ZNF891: variants seen among roughly 807,000 people sequenced by gnomAD.
ZNF891 encodes hCG1646157.
For missense variants in ZNF891, 589 were observed against 632.7 expected (o/e 0.93, Z 0.74); for synonymous variants, 199 against 209.0 (o/e 0.95, Z 0.41).
intron 1 of ZNF891, among the ~76,000 whole-genome samples, chr12:133,125,294 C>T (rs1382579594): frequency 6.6e-6 from 1 of 152,144 alleles, no homozygotes. Context: ...GCATACCCTC[C>T]CCACCCCATC....
intron 1 of ZNF891, among the ~76,000 whole-genome samples, chr12:133,127,170 T>A (rs1955826387): frequency 6.6e-6 from 1 of 151,956 alleles, no homozygotes; most frequent in Admixed American, 6.5e-5. Context: ...TTTCACCATC[T>A]TGGCCAGCCT....
rs942210157 is a variant in ZNF891, at chr12:133,116,063, G to C, written c.*4221C>G. 1 of 152,070 alleles carries C rather than the reference G, an allele frequency of 6.6e-6. No individual in the cohort carries two copies. The highest frequency in any genetic ancestry group is 1.5e-5 in the Non-Finnish European group (1 of 68,020). The allele number at this position is 152,070 out of a possible 1,614,324, so 9.4% of individuals were successfully genotyped here. Reference sequence around the variant, plus strand: ...CTAACCAAGCAAAGTACAATCCCTTGCTGAGTACTCCTTAAGATGATCTCA... The same window carrying C: ...CTAACCAAGCAAAGTACAATCCCTTCCTGAGTACTCCTTAAGATGATCTCA... On this transcript the variant is annotated 3_prime_UTR_variant, in exon 2 of 2. Coordinates refer to ENST00000537226, the MANE Select transcript of ZNF891 (RefSeq NM_001277291.2).
At position 133,118,141 on chromosome 12, in the gene ZNF891, C is replaced by T. The variant is rs955974259; in HGVS notation, c.*2143G>A. On this transcript the variant is annotated 3_prime_UTR_variant, in exon 2 of 2. Coordinates refer to ENST00000537226, the MANE Select transcript of ZNF891 (RefSeq NM_001277291.2). ...TTGTATTTTAGTAGAACCAGGGTTT[C>T]ACCATGTTGGCCAGGATGGTCTCGA... 6 of 152,094 alleles carry T rather than the reference C, an allele frequency of 3.9e-5. No homozygotes were observed. Among genetic ancestry groups the T allele is most frequent in the African/African-American group, 1.4e-4 (6 of 41,382 alleles). 9.4% of individuals were successfully genotyped at this position (152,094 alleles called of 1,614,324 possible).
Position 133,106,050 on chromosome 12 carries a change from C to G in ZNF891, c.*14234G>C, listed in dbSNP as rs371503435. The G allele has an allele frequency of 5.5e-5, 89 of 1,614,086 alleles. No individual in the cohort carries two copies. The African/African-American group carries it at 8.7e-4, about 16-fold the overall frequency. On this transcript the variant is annotated 3_prime_UTR_variant, in exon 2 of 2. Coordinates refer to ENST00000537226, the MANE Select transcript of ZNF891 (RefSeq NM_001277291.2). ...TGTGGAAAGGCCTTTAGCCGTGCCT[C>G]CAACCTCACTCGACATCAAAGAATT...
rs1955640856 is a variant in ZNF891 at position 133,107,522 on chromosome 12, AACAT to A, written c.*12758_*12761del. 6.9e-6 allele frequency: 1 copy of A among 144,652 alleles called. No individual in the cohort carries two copies. The highest frequency in any genetic ancestry group is 1.6e-5 in the Non-Finnish European group (1 of 63,080). The allele number at this position is 144,652 out of a possible 1,614,324, so 9.0% of individuals were successfully genotyped here. A position where few individuals can be genotyped will look rare whatever the true frequency, so the allele number is the denominator to read the frequency against. On this transcript the variant is annotated 3_prime_UTR_variant, in exon 2 of 2. Coordinates refer to ENST00000537226, the MANE Select transcript of ZNF891 (RefSeq NM_001277291.2). ...AATAAACAGTAGTTTTTCTTGTTGA[AACAT>A]ACAAACATAACAAAGTGTTTTTAGG...
chr12:133,105,941 TG>T lies in ZNF891; in HGVS notation c.*14342del. The T allele has an allele frequency of 6.2e-7, 1 of 1,614,184 alleles. No individual in the cohort carries two copies. The highest frequency in any genetic ancestry group is 8.5e-7 in the Non-Finnish European group (1 of 1,180,030). On this transcript the variant is annotated 3_prime_UTR_variant, in exon 2 of 2. Transcript: ENST00000537226. Reference sequence around the variant, plus strand: ...AAAGAAACCCCATGAGTGTAAGGACTGTAATAAAACATTCAGTTACCTTTCA... The same window carrying T: ...AAAGAAACCCCATGAGTGTAAGGACTTAATAAAACATTCAGTTACCTTTCA...
intron 1 of ZNF891, among the ~76,000 whole-genome samples, chr12:133,127,120 C>T (rs911074407): frequency 2.0e-5 from 3 of 151,648 alleles, no homozygotes; most frequent in Non-Finnish European, 2.9e-5. Flanking sequence ...CCGGCCACCA[C>T]GCCCGGCTAA....
intron 1 of ZNF891, among the ~76,000 whole-genome samples, chr12:133,126,349 C>T (rs1955814556): frequency 6.6e-6 from 1 of 151,796 alleles, no homozygotes; most frequent in South Asian, 2.1e-4. Flanking sequence ...TGGTGGGTGC[C>T]TGTAGTCCCA....
chr12:133,113,829 C>T lies in ZNF891; in HGVS notation c.*6455G>A, dbSNP rs1334676110. On this transcript the variant is annotated 3_prime_UTR_variant, in exon 2 of 2. Transcript: ENST00000537226. ...TCAACCCCACTGCAGCTCAAGTGAT[C>T]CTCCTACCCCAGCATCCCTAGTGGC... 1 of 152,130 alleles carries T rather than the reference C, an allele frequency of 6.6e-6. No homozygotes were observed. The highest frequency in any genetic ancestry group is 1.5e-5 in the Non-Finnish European group (1 of 68,066). The allele number at this position is 152,130 out of a possible 1,614,324, so 9.4% of individuals were successfully genotyped here.
chr12:133,126,758 A>G (rs1033147336), intron 1 of ZNF891, among the ~76,000 whole-genome samples: 2 of 150,010 alleles, frequency 1.3e-5, no homozygotes, highest in Non-Finnish European at 3.0e-5. Flanking sequence ...TGGAGGCTGC[A>G]GTGAGCCGAG....
chr12:133,120,720 C>T lies in ZNF891; in HGVS notation c.1199G>A (p.Gly400Glu), dbSNP rs1434392019. ...CTGATTACATTCATAAGGTTTCTCT[C>T]CAGTGTGAGTTCTCATGTGAGCCTT... ...SLKAHMRTHTGEKPYECNQCG... is the reference protein window; with the variant it reads ...SLKAHMRTHTEEKPYECNQCG... The change falls in exon 2 of 2, where the codon GGA (glycine) becomes GAA (glutamate). Residue 400 changes from glycine (G) to glutamate (E), a missense_variant. Coordinates refer to ENST00000537226, the MANE Select transcript of ZNF891 (RefSeq NM_001277291.2). 1 of 1,566,988 alleles carries T rather than the reference C, an allele frequency of 6.4e-7. No individual in the cohort carries two copies. Among genetic ancestry groups the T allele is most frequent in the Admixed American group, 1.9e-5 (1 of 52,672 alleles).
chr12:133,125,423 A>T (rs1306164364), intron 1 of ZNF891: 3 of 153,712 alleles, frequency 2.0e-5, no homozygotes, highest in African/African-American at 7.2e-5. Context: ...ATTTGCAAAT[A>T]ATATATAATG....
intron 1 of ZNF891, chr12:133,125,492 C>T (rs753259784): frequency 4.8e-4 from 79 of 163,034 alleles, no homozygotes; most frequent in Non-Finnish European, 7.6e-4. Flanking sequence ...GCACTGATGG[C>T]GAAGAAGGAA....
rs1392668688 is a variant in ZNF891 at position 133,126,732 on chromosome 12, G to T, written c.-107+3495C>A. ...CTCGGGAGGCTGAAGCAGGAGAAAT[G>T]CTTGAACCCAAGAGGTGGAGGCTGC... is the stretch of plus-strand genomic sequence containing the variant. On this transcript the variant is annotated intron_variant, in intron 1 of 1. Transcript: ENST00000537226. Among the ~76,000 whole-genome samples, 3 of 149,824 alleles carry T rather than the reference G, an allele frequency of 2.0e-5. No homozygotes were observed. The Middle Eastern group carries it at 0.011, about 543-fold the overall frequency.
rs1419688256 is a variant in ZNF891 at position 133,116,345 on chromosome 12, C to G, written c.*3939G>C. On this transcript the variant is annotated 3_prime_UTR_variant, in exon 2 of 2. Transcript: ENST00000537226. ...GGTCTCAATCTCCTGACCTCGTGAT[C>G]CGCCTGCCTCGGCCTCCCAAAGTGC... 1 of 152,366 alleles carries G rather than the reference C, an allele frequency of 6.6e-6. No homozygotes were observed. The highest frequency in any genetic ancestry group is 1.5e-5 in the Non-Finnish European group (1 of 68,240). 9.4% of individuals were successfully genotyped at this position (152,366 alleles called of 1,614,324 possible).
chr12:133,121,944 T>C lies in ZNF891; in HGVS notation c.-26A>G. 1 of 1,498,054 alleles carries C rather than the reference T, an allele frequency of 6.7e-7. No individual in the cohort carries two copies. Among genetic ancestry groups the C allele is most frequent in the Non-Finnish European group, 8.9e-7 (1 of 1,126,900 alleles). The allele number at this position is 1,498,054 out of a possible 1,614,324, so 92.8% of individuals were successfully genotyped here. On this transcript the variant is annotated 5_prime_UTR_variant, in exon 2 of 2. Transcript: ENST00000537226. ...TTTATGAGTACATAAGCCTGCACAGTAGAGTAGAGAGATCAGGATGTTTCT... is the reference window on the plus strand; with the variant it reads ...TTTATGAGTACATAAGCCTGCACAGCAGAGTAGAGAGATCAGGATGTTTCT...
chr12:133,129,502 CAA>C (rs35653414), intron 1 of ZNF891, among the ~76,000 whole-genome samples: 6 of 92,738 alleles, frequency 6.5e-5, no homozygotes, highest in Non-Finnish European at 1.1e-4. Flanking sequence ...AACTCTGTCT[CAA>C]AAAAAAAAAA....
At chr12:133,127,146 T>C (rs1348918449) in intron 1 of ZNF891, among the ~76,000 whole-genome samples, 1 of 151,708 alleles carries the variant, frequency 6.6e-6, no homozygotes, top group Non-Finnish European at 1.5e-5. Flanking sequence ...TTATTTTTAG[T>C]AGTAGAGATG....
chr12:133,108,849 AC>A lies in ZNF891; in HGVS notation c.*11434del, dbSNP rs1204608533. Reference sequence around the variant, plus strand: ...AGAGTGAATTTCTGCAATATTTCAAACCTATATCAGAGAATTACACTGTGGG... The same window carrying A: ...AGAGTGAATTTCTGCAATATTTCAAACTATATCAGAGAATTACACTGTGGG... On this transcript the variant is annotated 3_prime_UTR_variant, in exon 2 of 2. Transcript: ENST00000537226. 1 of 152,192 alleles carries A rather than the reference AC, an allele frequency of 6.6e-6. No individual in the cohort carries two copies. The allele number at this position is 152,192 out of a possible 1,614,324, so 9.4% of individuals were successfully genotyped here.
Sources: allele counts gnomAD v4.1 joint callset (sites outside exome capture counted in the v4.1 genomes callset), GRCh38; gene constraint gnomAD v4.1.1; transcripts MANE v1.5; gene names NCBI Gene and HGNC (gene_info 2026-07-23, HGNC 2026-07-21).